Variants in TADA3 observed in about 807,000 individuals in gnomAD.
TADA3 encodes the protein transcriptional adaptor 3, also known as transcriptional adapter 3.
Under a neutral mutation model 43.2 loss-of-function variants are expected in TADA3, and 25 were observed. That is an observed-to-expected ratio of 0.58 (90% CI 0.42 to 0.81). TADA3 has a LOEUF of 0.81. TADA3 is among the 30% of genes least tolerant of loss of function. The probability of loss-of-function intolerance (pLI) is 0.00; values close to 1 mark genes in which losing one functional copy is unlikely to be tolerated. For missense variants in TADA3, 441 were observed against 567.8 expected (o/e 0.78, Z 2.27); for synonymous variants, 235 against 225.5 (o/e 1.04, Z -0.38).
chr3:9,784,239 A>G, intron 7 of TADA3, 26 bp from the exon 8 acceptor site: 1 of 1,590,054 alleles, frequency 6.3e-7, no homozygotes, highest in South Asian at 1.1e-5. Flanking sequence ...GGCCCGTCAG[A>G]CTCAAGAGCC....
chr3:9,784,383 TA>T (rs1328452904), intron 7 of TADA3, among the ~76,000 whole-genome samples, 170 bp from the exon 8 acceptor site: 1 of 152,046 alleles, frequency 6.6e-6, no homozygotes, highest in African/African-American at 2.4e-5. Flanking sequence ...GTCTGGTTTT[TA>T]AAACAAGCAA....
At chr3:9,790,148 G>A (rs979388258) in intron 2 of TADA3, among the ~76,000 whole-genome samples, 185 bp from the exon 3 acceptor site, 1 of 152,110 alleles carries the variant, frequency 6.6e-6, no homozygotes, top group East Asian at 1.9e-4. Flanking sequence ...TGGCCTCCTA[G>A]AACTTTATTC....
chr3:9,787,935 G>A, intron 4 of TADA3: 1 of 360,212 alleles, frequency 2.8e-6, no homozygotes, highest in East Asian at 7.4e-5. Context: ...CCAGAGACCA[G>A]CGAGGAGGCT....
chr3:9,788,624 A>T (rs1441648373), intron 4 of TADA3, among the ~76,000 whole-genome samples: 1 of 150,280 alleles, frequency 6.7e-6, no homozygotes, highest in Non-Finnish European at 1.5e-5. Flanking sequence ...ATTGCAACCG[A>T]TGCCTCCCCA....
At chr3:9,781,866 G>T (rs1429309341) in intron 8 of TADA3, among the ~76,000 whole-genome samples, 3 of 128,768 alleles carry the variant, frequency 2.3e-5, no homozygotes, top group South Asian at 2.4e-4. Flanking sequence ...TTTGAGACAG[G>T]TCTCACTCTG....
rs2078429015 is a variant in TADA3 at position 9,780,301 on chromosome 3, T to C, written c.*56A>G. On this transcript the variant is annotated 3_prime_UTR_variant, in exon 9 of 9. Coordinates refer to ENST00000301964, the MANE Select transcript of TADA3 (RefSeq NM_006354.5). Reference sequence around the variant, plus strand: ...TGTTTCCTGTGCCCAAAGAAGGAAGTGGGCCTCCCTTCCCCTCCCCTAGGC... The same window carrying C: ...TGTTTCCTGTGCCCAAAGAAGGAAGCGGGCCTCCCTTCCCCTCCCCTAGGC... The C allele has an allele frequency of 6.6e-7, 1 of 1,521,946 alleles. No homozygotes were observed. The highest frequency in any genetic ancestry group is 2.0e-5 in the Admixed American group (1 of 48,984). The allele number at this position is 1,521,946 out of a possible 1,614,324, so 94.3% of individuals were successfully genotyped here. A position where few individuals can be genotyped will look rare whatever the true frequency, so the allele number is the denominator to read the frequency against.
chr3:9,787,761 A>G (rs2078650433), intron 4 of TADA3: 1 of 1,240,786 alleles, frequency 8.1e-7, no homozygotes, highest in Admixed American at 2.3e-5. Flanking sequence ...AGTGAAGTGA[A>G]AGAGAGAGAT....
chr3:9,787,417 A>G (rs1246965793), intron 4 of TADA3, 77 bp from the exon 5 acceptor site: 2 of 1,518,250 alleles, frequency 1.3e-6, no homozygotes, highest in Admixed American at 2.2e-5. Flanking sequence ...TCACTTACCT[A>G]TCTTATATCT....
intron 7 of TADA3, among the ~76,000 whole-genome samples, chr3:9,784,419 T>C (rs938771161): frequency 2.6e-5 from 4 of 152,112 alleles, no homozygotes; most frequent in Admixed American, 1.3e-4. Context: ...ATTCAAAAAA[T>C]ATGGAAAAAC....
Position 9,784,964 on chromosome 3 carries a change from A to G in TADA3, c.920+352T>C, listed in dbSNP as rs900737587. Among the ~76,000 whole-genome samples the G allele has an allele frequency of 4.6e-5, 7 of 152,050 alleles. No homozygotes were observed. In the East Asian group the frequency reaches 1.3e-3, roughly 29 times the overall value. On this transcript the variant is annotated intron_variant, in intron 7 of 8. Coordinates refer to ENST00000301964, the MANE Select transcript of TADA3 (RefSeq NM_006354.5). ...ACAACTAATATTTTCTCCACTTGTCACTCTATAATTTACATCTTTTCATGT... is the reference window on the plus strand; with the variant it reads ...ACAACTAATATTTTCTCCACTTGTCGCTCTATAATTTACATCTTTTCATGT...
At chr3:9,784,864 C>CAA (rs56673103) in intron 7 of TADA3, among the ~76,000 whole-genome samples, 975 of 97,386 alleles carry the variant, frequency 0.01, 6 homozygotes, top group Middle Eastern at 0.041. Context: ...GACTCCATCT[C>CAA]AAAAAAAAAA....
intron 2 of TADA3, 45 bp from the exon 3 acceptor site, chr3:9,790,008 C>G: frequency 1.3e-6 from 2 of 1,534,684 alleles, no homozygotes; most frequent in Middle Eastern, 1.8e-4. Context: ...AGGGAAAACA[C>G]AGAATATCTC....
intron 8 of TADA3, chr3:9,781,634 G>A: frequency 2.2e-6 from 1 of 451,054 alleles, no homozygotes. Flanking sequence ...TCTCTGAACA[G>A]GGTCTGATTT....
intron 8 of TADA3, among the ~76,000 whole-genome samples, chr3:9,782,968 G>T (rs1396346674): frequency 6.6e-6 from 1 of 152,158 alleles, no homozygotes; most frequent in Non-Finnish European, 1.5e-5. Context: ...CTATACCCTC[G>T]TGATCAATGC....
chr3:9,782,571 A>G (rs1364417001), intron 8 of TADA3, among the ~76,000 whole-genome samples: 5 of 152,224 alleles, frequency 3.3e-5, no homozygotes, highest in African/African-American at 1.2e-4. Context: ...AGTAATCTGC[A>G]AGTCCCTTGC....
chr3:9,781,210 T>C (rs887393024), intron 8 of TADA3, among the ~76,000 whole-genome samples: 3 of 151,854 alleles, frequency 2.0e-5, no homozygotes, highest in African/African-American at 7.2e-5. Context: ...CTTTGGGAGA[T>C]GGAGGCAGGA....
intron 7 of TADA3, 117 bp from the exon 8 acceptor site, chr3:9,784,330 C>T: frequency 1.5e-6 from 2 of 1,344,968 alleles, no homozygotes; most frequent in Admixed American, 2.7e-5. Flanking sequence ...TGGGCACCCC[C>T]TCTGTATCTA....
At chr3:9,781,282 AAT>A (rs145898207) in intron 8 of TADA3, among the ~76,000 whole-genome samples, 1 of 150,816 alleles carries the variant, frequency 6.6e-6, no homozygotes, top group Admixed American at 6.6e-5. Flanking sequence ...CTGTCTCTAA[AAT>A]ATATATATAT....
chr3:9,784,717 G>A (rs747741258), intron 7 of TADA3, among the ~76,000 whole-genome samples: 7 of 151,758 alleles, frequency 4.6e-5, no homozygotes, highest in Non-Finnish European at 8.8e-5. Context: ...ATACAAAAAT[G>A]AGCCATACAT....
Sources: gnomAD v4.1 joint callset for allele counts (sites outside exome capture counted in the v4.1 genomes callset) on GRCh38, gnomAD v4.1.1 for gene constraint, MANE v1.5 for transcripts, NCBI Gene and HGNC (gene_info 2026-07-23, HGNC 2026-07-21) for gene names.